Variants in KLF12 observed in about 807,000 individuals in gnomAD.
The protein encoded by KLF12 is Krueppel-like factor 12.
KLF12 carries 9 observed loss-of-function variants against 37.8 expected under a neutral mutation model. The ratio of observed to expected loss-of-function variants is 0.24; its 90% CI spans 0.14 to 0.42. KLF12 has a LOEUF of 0.42. KLF12 is among the 10% of genes least tolerant of loss of function. The probability of loss-of-function intolerance (pLI) is 1.00; values close to 1 mark genes in which losing one functional copy is unlikely to be tolerated. For missense variants in KLF12, 411 were observed against 516.0 expected (o/e 0.80, Z 1.97); for synonymous variants, 208 against 202.1 (o/e 1.03, Z -0.25).
chr13:73,720,070 T>C (rs1184316898), intron 6 of KLF12, among the ~76,000 whole-genome samples: 1 of 152,088 alleles, frequency 6.6e-6, no homozygotes, highest in African/African-American at 2.4e-5. Flanking sequence ...CACCGATAAA[T>C]GTGTAGGATG....
intron 7 of KLF12, among the ~76,000 whole-genome samples, chr13:73,713,548 C>T (rs1372619005): frequency 6.6e-6 from 1 of 152,234 alleles, no homozygotes; most frequent in Non-Finnish European, 1.5e-5. Context: ...AAACACTAGA[C>T]TGTAACATAT....
chr13:74,294,869 G>A, the KLF12 span, among the ~76,000 whole-genome samples: 1 of 152,098 alleles, frequency 6.6e-6, no homozygotes, highest in Non-Finnish European at 1.5e-5. Flanking sequence ...AGCCCCAGCT[G>A]CACCTCCCTC....
intron 4 of KLF12, among the ~76,000 whole-genome samples, chr13:73,825,366 A>T (rs1883779322): frequency 6.6e-6 from 1 of 152,182 alleles, no homozygotes; most frequent in Non-Finnish European, 1.5e-5. Context: ...CTTGAAGAAC[A>T]AGATCAAAGT....
intron 1 of KLF12, among the ~76,000 whole-genome samples, chr13:74,073,614 CA>C (rs1489703641): frequency 6.6e-6 from 1 of 151,996 alleles, no homozygotes; most frequent in African/African-American, 2.4e-5. Flanking sequence ...AAAGGGTTAC[CA>C]AACAAAATAT....
intron 7 of KLF12, among the ~76,000 whole-genome samples, chr13:73,700,776 T>C (rs1874498377): frequency 6.6e-6 from 1 of 152,044 alleles, no homozygotes; most frequent in Admixed American, 6.6e-5. Context: ...CTATAAGTGC[T>C]CTCTTTAGAC....
At chr13:73,865,862 G>A (rs935443799) in intron 3 of KLF12, among the ~76,000 whole-genome samples, 5 of 152,164 alleles carry the variant, frequency 3.3e-5, no homozygotes, top group African/African-American at 1.2e-4. Flanking sequence ...CCTGACACTT[G>A]TGTTTGACAG....
intron 7 of KLF12, among the ~76,000 whole-genome samples, chr13:73,710,361 C>A (rs1401522540): frequency 2.0e-5 from 3 of 148,048 alleles, no homozygotes; most frequent in Non-Finnish European, 3.0e-5. Context: ...CACTTTATTG[C>A]ATTTCGAAGA....
At chr13:73,851,823 C>T (rs184647958) in intron 3 of KLF12, among the ~76,000 whole-genome samples, 1 of 152,298 alleles carries the variant, frequency 6.6e-6, no homozygotes, top group East Asian at 1.9e-4. Context: ...TATGACTCCA[C>T]ATCCTTGGAG....
At chr13:74,288,796 C>G in the KLF12 span, among the ~76,000 whole-genome samples, 1 of 152,110 alleles carries the variant, frequency 6.6e-6, no homozygotes, top group Non-Finnish European at 1.5e-5. Flanking sequence ...GGCAGGGTGG[C>G]GGCAGGGCCG....
intron 2 of KLF12, among the ~76,000 whole-genome samples, chr13:73,969,695 C>G (rs888021763): frequency 6.6e-6 from 1 of 152,112 alleles, no homozygotes; most frequent in African/African-American, 2.4e-5. Context: ...CTCCCCAGTC[C>G]CTGGGATACT....
intron 7 of KLF12, among the ~76,000 whole-genome samples, chr13:73,699,461 C>T (rs1303597611): frequency 6.6e-6 from 1 of 151,532 alleles, no homozygotes; most frequent in African/African-American, 2.4e-5. Flanking sequence ...CTCAATCAGA[C>T]CTAAAAATAT....
At chr13:73,880,754 G>A (rs1377598128) in intron 3 of KLF12, among the ~76,000 whole-genome samples, 1 of 152,160 alleles carries the variant, frequency 6.6e-6, no homozygotes, top group Non-Finnish European at 1.5e-5. Flanking sequence ...CTAAATCCCA[G>A]ATTCTTGGCT....
At chr13:74,208,596 C>A in the KLF12 span, among the ~76,000 whole-genome samples, 1 of 152,012 alleles carries the variant, frequency 6.6e-6, no homozygotes, top group African/African-American at 2.4e-5. Context: ...TTCTATTTTC[C>A]TATCAAAATC....
chr13:74,243,095 C>T, the KLF12 span, among the ~76,000 whole-genome samples: 1 of 152,146 alleles, frequency 6.6e-6, no homozygotes, highest in Non-Finnish European at 1.5e-5. Flanking sequence ...TCCTAATGCT[C>T]TCCCTCCCCT....
chr13:73,921,380 A>G (rs989218983), intron 3 of KLF12, among the ~76,000 whole-genome samples: 3 of 152,198 alleles, frequency 2.0e-5, no homozygotes, highest in African/African-American at 7.2e-5. Flanking sequence ...CAGATTCTAT[A>G]TAACAAGGGC....
intron 1 of KLF12, among the ~76,000 whole-genome samples, chr13:74,082,852 G>A (rs559871059): frequency 6.6e-6 from 1 of 152,216 alleles, no homozygotes; most frequent in Admixed American, 6.5e-5. Flanking sequence ...GGAAGGGGAG[G>A]CACACTGACA....
chr13:74,026,825 A>G (rs573577531), intron 1 of KLF12, among the ~76,000 whole-genome samples: 13 of 152,314 alleles, frequency 8.5e-5, no homozygotes, highest in African/African-American at 3.1e-4. Context: ...AAAAGGTAGG[A>G]AAAAGATTCC....
intron 2 of KLF12, among the ~76,000 whole-genome samples, chr13:73,978,513 C>A (rs1056485883): frequency 1.3e-5 from 2 of 152,134 alleles, no homozygotes; most frequent in African/African-American, 4.8e-5. Context: ...GGTGGGAAAG[C>A]AAAATGAAAC....
the KLF12 span, among the ~76,000 whole-genome samples, chr13:74,243,286 CA>C: frequency 7.0e-6 from 1 of 141,988 alleles, no homozygotes; most frequent in South Asian, 2.2e-4. Context: ...GACATGAATT[CA>C]TTTTTTTTAT....
Sources: allele counts gnomAD v4.1 joint callset (sites outside exome capture counted in the v4.1 genomes callset), GRCh38; gene constraint gnomAD v4.1.1; transcripts MANE v1.5; gene names NCBI Gene and HGNC (gene_info 2026-07-23, HGNC 2026-07-21).